CHD7: variants seen among roughly 807,000 people sequenced by gnomAD.
CHD7 encodes chromodomain helicase DNA binding protein 7.
In CHD7, 24 loss-of-function variants were observed where a neutral mutation model predicts 307.3. The observed-to-expected ratio is 0.08, with a 90% CI of 0.06 to 0.11. CHD7 has a LOEUF of 0.11. Among genes scored for constraint, CHD7 ranks in the 10% least tolerant of loss-of-function variants. The pLI, the probability that CHD7 is intolerant of heterozygous loss-of-function variation, is 1.00. For missense variants in CHD7, 3,106 were observed against 3,727.1 expected (o/e 0.83, Z 4.34); for synonymous variants, 1,363 against 1,349.9 (o/e 1.01, Z -0.21).
At chr8:60,862,025 T>C in intron 35 of CHD7, 171 bp from the exon 36 acceptor site, 1 of 525,654 alleles carries the variant, frequency 1.9e-6, no homozygotes, top group Non-Finnish European at 3.2e-6. Context: ...ACGGGTAAAA[T>C]AGGAGTTTTT....
At chr8:60,708,296 G>A (rs1410917613) in intron 1 of CHD7, among the ~76,000 whole-genome samples, 1 of 152,142 alleles carries the variant, frequency 6.6e-6, no homozygotes, top group Non-Finnish European at 1.5e-5. Flanking sequence ...GAATACAATC[G>A]CCATTTCATC....
intron 1 of CHD7, among the ~76,000 whole-genome samples, chr8:60,729,881 A>G (rs927015584): frequency 1.6e-4 from 24 of 152,226 alleles, no homozygotes; most frequent in African/African-American, 5.5e-4. Context: ...TTAAAGTGTG[A>G]TCTTTTTTCA....
chr8:60,706,978 C>A (rs1339927635), intron 1 of CHD7, among the ~76,000 whole-genome samples: 2 of 152,144 alleles, frequency 1.3e-5, no homozygotes, highest in South Asian at 4.2e-4. Context: ...GCTCCCCCCA[C>A]CCCACGACAG....
chr8:60,859,939 G>T (rs757145535), intron 34 of CHD7, among the ~76,000 whole-genome samples: 2 of 152,218 alleles, frequency 1.3e-5, no homozygotes, highest in African/African-American at 4.8e-5. Flanking sequence ...CAGCGTAGTG[G>T]TGTGGAGGTT....
At chr8:60,781,532 G>T in intron 3 of CHD7, 102 bp downstream of exon 3, 1 of 1,390,210 alleles carries the variant, frequency 7.2e-7, no homozygotes, top group African/African-American at 1.5e-5. Context: ...GGGACACAAT[G>T]ATTTTTGTCA....
chr8:60,732,307 G>A (rs1468787069), intron 1 of CHD7, among the ~76,000 whole-genome samples: 1 of 152,216 alleles, frequency 6.6e-6, no homozygotes, highest in African/African-American at 2.4e-5. Context: ...TAGTTAATCA[G>A]TGACAACTGC....
chr8:60,778,096 G>C (rs1053871744), intron 2 of CHD7, among the ~76,000 whole-genome samples: 2 of 150,172 alleles, frequency 1.3e-5, no homozygotes, highest in Non-Finnish European at 3.0e-5. Context: ...CTGGTGGGGT[G>C]GGGGGTGGAG....
chr8:60,701,410 A>AT (rs1464439145), intron 1 of CHD7, among the ~76,000 whole-genome samples: 2 of 152,068 alleles, frequency 1.3e-5, no homozygotes, highest in African/African-American at 4.8e-5. Flanking sequence ...TAGGTGGATT[A>AT]TTTTTGCCTC....
chr8:60,713,987 A>G (rs1164875968), intron 1 of CHD7, among the ~76,000 whole-genome samples: 18 of 152,254 alleles, frequency 1.2e-4, no homozygotes, highest in Admixed American at 8.5e-4. Flanking sequence ...ATAATCTTCA[A>G]TAAAAAGGCA....
chr8:60,865,775 C>A lies in CHD7; in HGVS notation c.8836C>A (p.Pro2946Thr). Residue 2946 changes from proline (P) to threonine (T), a missense_variant, in exon 38 of 38, where the codon CCC becomes ACC. Pro to Thr is a conservative substitution (Grantham distance 38). Around this residue, in one of 10 missense-constraint regions of CHD7, gnomAD observed 351 missense variants for 366.2 expected, o/e 0.96. Coordinates refer to ENST00000423902, the MANE Select transcript of CHD7 (RefSeq NM_017780.4). This position sits in a 1 kb window ranked among gnomAD's most constrained non-coding sequence, Gnocchi z 4.3. ...EKAADKAEGG[P>T]FKDGETLEGS... Reference sequence around the variant, plus strand: ...GGCTGCTGACAAGGCTGAGGGAGGACCCTTTAAAGATGGAGAGACCCTTGA... The same window carrying A: ...GGCTGCTGACAAGGCTGAGGGAGGAACCTTTAAAGATGGAGAGACCCTTGA... The A allele has an allele frequency of 3.7e-6, 6 of 1,613,960 alleles. No homozygotes were observed. The highest frequency in any genetic ancestry group is 5.1e-6 in the Non-Finnish European group (6 of 1,179,876).
At chr8:60,846,418 G>T (rs1805213654) in intron 23 of CHD7, among the ~76,000 whole-genome samples, 1 of 152,090 alleles carries the variant, frequency 6.6e-6, no homozygotes, top group African/African-American at 2.4e-5. Context: ...CATTGCTTGG[G>T]GTTCTGTTAA....
rs187964269 is a variant in CHD7, at chr8:60,701,761, T to C, written c.-175+22679T>C. On this transcript the variant is annotated intron_variant, in intron 1 of 37. Transcript: ENST00000423902. ...TTAGTAACAGTTCCATGTGAACTTATGAAATATTTTTAACCTTCCTGGAGA... is the reference window on the plus strand; with the variant it reads ...TTAGTAACAGTTCCATGTGAACTTACGAAATATTTTTAACCTTCCTGGAGA... 5.3e-4 allele frequency among the ~76,000 whole-genome samples: 81 copies of C among 152,394 alleles called. No homozygotes were observed. The South Asian group carries it at 0.015, about 28-fold the overall frequency.
chr8:60,818,464 G>A, intron 8 of CHD7, among the ~76,000 whole-genome samples: 1 of 152,146 alleles, frequency 6.6e-6, no homozygotes, highest in East Asian at 1.9e-4. Flanking sequence ...CCTAGTTTTG[G>A]GAAAGTTTAA....
At chr8:60,808,635 G>T (rs963212213) in intron 7 of CHD7, 12 of 208,580 alleles carry the variant, frequency 5.8e-5, no homozygotes, top group African/African-American at 2.8e-4. Flanking sequence ...AGTGTGCGAG[G>T]CCCTAGAGAC....
intron 1 of CHD7, among the ~76,000 whole-genome samples, chr8:60,701,502 C>G (rs1180412885): frequency 2.0e-5 from 3 of 152,170 alleles, no homozygotes; most frequent in African/African-American, 7.2e-5. Flanking sequence ...GATTCCTTAC[C>G]TGAAGATTAA....
At chr8:60,848,252 A>T (rs933617471) in intron 23 of CHD7, among the ~76,000 whole-genome samples, 6 of 152,240 alleles carry the variant, frequency 3.9e-5, no homozygotes, top group African/African-American at 1.4e-4. Context: ...AGGTAGAACT[A>T]AATGAAGTGC....
chr8:60,719,309 A>G (rs1161089810), intron 1 of CHD7, among the ~76,000 whole-genome samples: 1 of 152,244 alleles, frequency 6.6e-6, no homozygotes, highest in Non-Finnish European at 1.5e-5. Flanking sequence ...AATATTTTGT[A>G]AAGTTCCAGA....
intron 1 of CHD7, among the ~76,000 whole-genome samples, chr8:60,713,959 G>T (rs1807414498): frequency 6.6e-6 from 1 of 151,990 alleles, no homozygotes; most frequent in African/African-American, 2.4e-5. Context: ...TTTCTTTGTA[G>T]AAAGATAGCA....
At chr8:60,734,701 G>A (rs1808616892) in intron 1 of CHD7, among the ~76,000 whole-genome samples, 2 of 152,156 alleles carry the variant, frequency 1.3e-5, no homozygotes, top group African/African-American at 2.4e-5. Context: ...ATACCTAATG[G>A]GGGTGTTTGT....
Sources: allele counts gnomAD v4.1 joint callset (sites outside exome capture counted in the v4.1 genomes callset), GRCh38; gene constraint gnomAD v4.1.1; regional missense constraint gnomAD v4.1.1; non-coding constraint Gnocchi (gnomAD v3.1); transcripts MANE v1.5; gene names NCBI Gene and HGNC (gene_info 2026-07-23, HGNC 2026-07-21).